ABCD4: variants seen among roughly 807,000 people sequenced by gnomAD.
ABCD4 encodes lysosomal cobalamin transporter ABCD4.
A neutral mutation model predicts 86.3 loss-of-function variants in ABCD4; 53 were observed. The ratio of observed to expected loss-of-function variants is 0.61; its 90% CI spans 0.49 to 0.77. ABCD4 has a LOEUF of 0.77. Among genes scored for constraint, ABCD4 ranks in the 30% least tolerant of loss-of-function variants. The pLI is 0.00. For missense variants in ABCD4, 757 were observed against 764.5 expected, an observed-to-expected ratio of 0.99 and a Z score of 0.12; for synonymous variants, 328 against 313.6, an observed-to-expected ratio of 1.05 and a Z score of -0.49.
chr14:74,295,522 C>T (rs2082632412), intron 6 of ABCD4, among the ~76,000 whole-genome samples: 1 of 152,202 alleles, frequency 6.6e-6, no homozygotes, highest in Admixed American at 6.5e-5. Flanking sequence ...GATCCATTGG[C>T]TGCCACACCC....
In ABCD4 at chr14:74,289,765, T is replaced by C. The variant is rs4148079; in HGVS notation, c.1420-246A>G. The stretch of plus-strand genomic sequence containing the variant: ...AGGGCAGGGGCCCCAGAATCCGACC[T>C]TGGGTGTTTGACATACGCGTGTGGT... On this transcript the variant is annotated intron_variant, in intron 13 of 18. Transcript: ENST00000356924. The C allele has an allele frequency of 2.2e-3, 3,224 of 1,434,852 alleles. 117 individuals carry two copies. The East Asian group carries it at 0.072, about 32-fold the overall frequency. 88.9% of individuals were successfully genotyped at this position (1,434,852 alleles called of 1,614,324 possible).
intron 6 of ABCD4, 112 bp from the exon 7 acceptor site, chr14:74,295,310 C>T: frequency 7.9e-7 from 1 of 1,263,450 alleles, no homozygotes; most frequent in Non-Finnish European, 1.1e-6. Context: ...TGCCTCAAAA[C>T]CGTGGCTGCC....
At chr14:74,295,226 T>C in intron 6 of ABCD4, 28 bp from the exon 7 acceptor site, 2 of 1,613,868 alleles carry the variant, frequency 1.2e-6, no homozygotes, top group East Asian at 4.5e-5. Flanking sequence ...AAATGTGTGC[T>C]GACAACAGGG....
rs113366326 is a variant in ABCD4, at chr14:74,301,210, A to G, written c.39-942T>C. On this transcript the variant is annotated intron_variant, in intron 1 of 18. Coordinates refer to ENST00000356924, the MANE Select transcript of ABCD4 (RefSeq NM_005050.4). Reference sequence around the variant, plus strand: ...GGTCTTGCTCTGTTGCCCAGGCTGGAATGCAGTGGTGCGATCTCAGCTCAG... The same window carrying G: ...GGTCTTGCTCTGTTGCCCAGGCTGGGATGCAGTGGTGCGATCTCAGCTCAG... 7.4e-3 allele frequency among the ~76,000 whole-genome samples: 1,091 copies of G among 147,082 alleles called. 12 individuals are homozygous for G. The highest frequency in any genetic ancestry group is 0.012 in the Non-Finnish European group (781 of 67,180).
At chr14:74,286,618 C>T (rs374534232) in intron 18 of ABCD4, 83 bp downstream of exon 18, 14 of 1,612,258 alleles carry the variant, frequency 8.7e-6, no homozygotes, top group South Asian at 5.5e-5. Context: ...TGCTACTCCC[C>T]GTTTTGAGGG....
chr14:74,299,234 G>A (rs2083667891), intron 3 of ABCD4: 1 of 248,324 alleles, frequency 4.0e-6, no homozygotes, highest in African/African-American at 2.3e-5. Context: ...TGGCTGCTGA[G>A]CCGTTTTAAT....
chr14:74,296,772 T>G, intron 4 of ABCD4: 1 of 260,662 alleles, frequency 3.8e-6, no homozygotes, highest in Non-Finnish European at 7.3e-6. Context: ...TGAGCTGTTT[T>G]GGATGATCAA....
rs2081182991 is a variant in ABCD4, at chr14:74,290,440, G to C, written c.1178C>G (p.Ser393Cys). The C allele has an allele frequency of 6.2e-7, 1 of 1,613,980 alleles. No individual in the cohort carries two copies. Among genetic ancestry groups the C allele is most frequent in the African/African-American group, 1.3e-5 (1 of 74,904 alleles). The change falls in exon 12 of 19, where the codon TCC becomes TGC. Residue 393 changes from serine (S) to cysteine (C), a missense_variant. Ser to Cys is a moderately radical substitution (Grantham distance 112). Transcript: ENST00000356924. ...TTTGTCAGAGGAGGGGGCAGAGATGGAGACCCGCTCAAGGAGAAATGCTGT... is the reference window on the plus strand; with the variant it reads ...TTTGTCAGAGGAGGGGGCAGAGATGCAGACCCGCTCAAGGAGAAATGCTGT... ...ADTAFLLERV[S>C]ISAPSSDKPL... is the part of the protein sequence containing the mutation.
chr14:74,302,783 GGGC>G, intron 1 of ABCD4, 89 bp downstream of exon 1: 1 of 1,330,568 alleles, frequency 7.5e-7, no homozygotes, highest in African/African-American at 1.5e-5. Context: ...GGGGGCGCCA[GGGC>G]GGCGGACGAG....
Position 74,293,148 on chromosome 14 carries a change from G to A in ABCD4, c.814+6C>T, listed in dbSNP as rs1012967402. The A allele has an allele frequency of 5.0e-6, 8 of 1,613,158 alleles. No individual in the cohort carries two copies. The East Asian group carries it at 6.7e-5, about 13-fold the overall frequency. On this transcript the variant is annotated splice_donor_region_variant and intron_variant, in intron 8 of 18. Coordinates refer to ENST00000356924, the MANE Select transcript of ABCD4 (RefSeq NM_005050.4). ...GGTTCCCACTTCCCTGGGCCCCCTCGCCTACTGTACAGCCAGAGCTCCTTG... is the reference window on the plus strand; with the variant it reads ...GGTTCCCACTTCCCTGGGCCCCCTCACCTACTGTACAGCCAGAGCTCCTTG...
intron 11 of ABCD4, among the ~76,000 whole-genome samples, chr14:74,291,882 G>A (rs898428286): frequency 2.6e-5 from 4 of 152,156 alleles, no homozygotes; most frequent in African/African-American, 7.2e-5. Context: ...AGCAAATCCT[G>A]AATGCACAGA....
Position 74,286,791 on chromosome 14 carries a change from C to T in ABCD4, c.1662G>A (p.Leu554=). Residue 554 remains leucine, a synonymous_variant, in exon 18 of 19, where the codon CTG becomes CTA. Transcript: ENST00000356924. The part of the protein sequence containing the change: ...YAVLDEATSA[L]TEEVESELYR... Reference sequence around the variant, plus strand: ...AGAGCTCGCTCTCCACTTCCTCTGTCAGGGCACTGGTGGCTTCATCAAGCA... The same window carrying T: ...AGAGCTCGCTCTCCACTTCCTCTGTTAGGGCACTGGTGGCTTCATCAAGCA... The T allele has an allele frequency of 6.2e-7, 1 of 1,614,096 alleles. No homozygotes were observed. The highest frequency in any genetic ancestry group is 8.5e-7 in the Non-Finnish European group (1 of 1,180,034).
In ABCD4 at chr14:74,292,763, G is replaced by A; in HGVS notation, c.921C>T (p.Ser307=). The change falls in exon 9 of 19, where the codon AGC becomes AGT. Residue 307 remains serine (S), a synonymous_variant. Coordinates refer to ENST00000356924, the MANE Select transcript of ABCD4 (RefSeq NM_005050.4). ...VYGDLSPAEL[S]TLVSKNAFVC... ...GGAGTCTCACCTTGCTGACCAGGGT[G>A]CTAAGCTCTGCGGGACTCAGGTCTC... 1 of 1,614,060 alleles carries A rather than the reference G, an allele frequency of 6.2e-7. No homozygotes were observed. Among genetic ancestry groups the A allele is most frequent in the Non-Finnish European group, 8.5e-7 (1 of 1,179,968 alleles).
chr14:74,302,730 C>G, intron 1 of ABCD4, 145 bp downstream of exon 1: 2 of 1,007,164 alleles, frequency 2.0e-6, no homozygotes. Context: ...GCGGACGCCC[C>G]TTCGAGAGCT....
rs1022049655 is a variant in ABCD4, at chr14:74,288,566, A to G, written c.1506+150T>C. ...CCCCCTTCGTGCCTAAACCTGGCCA[A>G]CAGCACACACTGTCAACTGATACTC... is the stretch of plus-strand genomic sequence containing the variant. On this transcript the variant is annotated intron_variant, in intron 15 of 18. Coordinates refer to ENST00000356924, the MANE Select transcript of ABCD4 (RefSeq NM_005050.4). 1.7e-5 allele frequency: 15 copies of G among 900,346 alleles called. No individual in the cohort carries two copies. In the East Asian group the frequency reaches 2.7e-4, roughly 16 times the overall value. 55.8% of individuals were successfully genotyped at this position (900,346 alleles called of 1,614,324 possible).
In ABCD4 at chr14:74,292,394, A is replaced by G; in HGVS notation, c.1029-18T>C. ...GCCCAATTCTGAACAAGAAAAGAAA[A>G]TCTGAGGCAGGGTCTGGGAGCCAGG... is the stretch of plus-strand genomic sequence containing the variant. On this transcript the variant is annotated intron_variant, in intron 10 of 18. Coordinates refer to ENST00000356924, the MANE Select transcript of ABCD4 (RefSeq NM_005050.4). 1 of 1,613,696 alleles carries G rather than the reference A, an allele frequency of 6.2e-7. No individual in the cohort carries two copies. The highest frequency in any genetic ancestry group is 8.5e-7 in the Non-Finnish European group (1 of 1,179,762).
rs149632647 is a variant in ABCD4 at position 74,293,212 on chromosome 14, C to T, written c.756G>A (p.Arg252=). 9.1e-5 allele frequency: 147 copies of T among 1,614,154 alleles called. 1 individual carries two copies. In the East Asian group the frequency reaches 3.0e-3, roughly 33 times the overall value. The change falls in exon 8 of 19, where the codon AGG becomes AGA. Residue 252 remains arginine, a synonymous_variant. Coordinates refer to ENST00000356924, the MANE Select transcript of ABCD4 (RefSeq NM_005050.4). ...GHVEHMRTDR[R]LQRLLQTQRE... is the part of the protein sequence containing the mutation. ...TCTGGGTCTGAAGGAGTCTCTGCAG[C>T]CTGCGGTCTGTCCTCATGTGCTCCA...
chr14:74,296,506 G>T, intron 4 of ABCD4, 57 bp from the exon 5 acceptor site: 1 of 1,514,916 alleles, frequency 6.6e-7, no homozygotes, highest in Admixed American at 1.7e-5. Flanking sequence ...AAGGTAGAGA[G>T]AACAAGAAAC....
intron 7 of ABCD4, 33 bp from the exon 8 acceptor site, chr14:74,293,281 T>C (rs1325887988): frequency 6.2e-7 from 1 of 1,608,886 alleles, no homozygotes; most frequent in Admixed American, 1.7e-5. Context: ...TCCACAGGGC[T>C]GGAGAGGTTC....
Sources: gnomAD v4.1 joint callset for allele counts (sites outside exome capture counted in the v4.1 genomes callset) on GRCh38, gnomAD v4.1.1 for gene constraint, MANE v1.5 for transcripts, NCBI Gene and HGNC (gene_info 2026-07-23, HGNC 2026-07-21) for gene names.